The following ACSL6 variants were observed in gnomAD, a reference collection of about 807,000 sequenced individuals.
The protein encoded by ACSL6 is long-chain-fatty-acid--CoA ligase 6.
ACSL6 carries 47 observed loss-of-function variants against 98.2 expected under a neutral mutation model. The ratio of observed to expected loss-of-function variants is 0.48; its 90% CI spans 0.38 to 0.61. ACSL6 has a LOEUF of 0.61. Among genes scored for constraint, ACSL6 ranks in the 20% least tolerant of loss-of-function variants. The pLI, the probability that ACSL6 is intolerant of heterozygous loss-of-function variation, is 0.00. For synonymous variants in ACSL6, 362 were observed against 336.9 expected (o/e 1.07, Z -0.82); for missense variants, 761 against 913.4 (o/e 0.83, Z 2.15).
rs1489802215 is a variant in ACSL6 at position 131,971,667 on chromosome 5, G to A, written c.1339-22C>T. On this transcript the variant is annotated intron_variant, in intron 13 of 20. Coordinates refer to ENST00000651883, the MANE Select transcript of ACSL6 (RefSeq NM_001009185.3). ...TGGCCTGTGGGAAGAAAGAAGAGCT[G>A]CCAAATTTTGTGATGTCTGAGATGG... The A allele has an allele frequency of 4.4e-6, 7 of 1,581,180 alleles. No homozygotes were observed. In the African/African-American group the frequency reaches 6.8e-5, roughly 15 times the overall value.
intron 11 of ACSL6, 89 bp from the exon 12 acceptor site, chr5:131,973,489 G>T: frequency 5.8e-6 from 8 of 1,386,128 alleles, no homozygotes; most frequent in African/African-American, 1.4e-5. Context: ...GCCCTACATG[G>T]AGGGCACCCA....
intron 9 of ACSL6, among the ~76,000 whole-genome samples, chr5:131,980,363 C>T (rs1753827165): frequency 6.6e-6 from 1 of 152,160 alleles, no homozygotes; most frequent in Non-Finnish European, 1.5e-5. Context: ...ATAATAGTAG[C>T]CAAGTACTCA....
At chr5:131,973,496 C>G in intron 11 of ACSL6, 96 bp from the exon 12 acceptor site, 8 of 1,267,202 alleles carry the variant, frequency 6.3e-6, no homozygotes, top group Non-Finnish European at 8.7e-6. Context: ...ATGGAGGGCA[C>G]CCATGACCCC....
chr5:131,971,797 C>T lies in ACSL6; in HGVS notation c.1339-152G>A, dbSNP rs974662332. ...AGAAGGCCTGAGGTTGTACAACACA[C>T]GAGCTGAGGAAACTCCTTCCCCTTC... On this transcript the variant is annotated intron_variant, in intron 13 of 20. Coordinates refer to ENST00000651883, the MANE Select transcript of ACSL6 (RefSeq NM_001009185.3). 20 of 545,574 alleles carry T rather than the reference C, an allele frequency of 3.7e-5. 1 individual carries two copies. The highest frequency in any genetic ancestry group is 1.5e-4 in the South Asian group (4 of 27,344). The allele number at this position is 545,574 out of a possible 1,614,324, so 33.8% of individuals were successfully genotyped here.
At chr5:132,004,440 G>T (rs1175961298) in intron 1 of ACSL6, among the ~76,000 whole-genome samples, 1 of 152,178 alleles carries the variant, frequency 6.6e-6, no homozygotes, top group African/African-American at 2.4e-5. Flanking sequence ...CCACTTTGGA[G>T]TTGATTTTGA....
chr5:131,978,607 G>A (rs542144839), intron 9 of ACSL6, among the ~76,000 whole-genome samples: 5 of 152,262 alleles, frequency 3.3e-5, no homozygotes, highest in African/African-American at 9.6e-5. Flanking sequence ...ACTGACACTT[G>A]TAATTCTGAA....
intron 1 of ACSL6, among the ~76,000 whole-genome samples, chr5:132,002,288 C>G (rs1755130042): frequency 1.3e-5 from 2 of 152,222 alleles, no homozygotes; most frequent in African/African-American, 4.8e-5. Context: ...TGCTGGTGTC[C>G]CGGCCTCAGG....
chr5:131,966,323 G>T, intron 17 of ACSL6, 93 bp downstream of exon 17: 2 of 1,227,240 alleles, frequency 1.6e-6, no homozygotes, highest in Non-Finnish European at 2.4e-6. Context: ...CATTGTCAGG[G>T]GGGATTTGGA....
rs745608649 is a variant in ACSL6, at chr5:131,988,181, A to C, written c.698T>G (p.Leu233Arg). ...VIVDKPQKAV[L>R]LLEHVERKET... ...CTTCCTCTCCACATGCTCTAGCAGA[A>C]GCACAGCCTTCTGAGGTTTGTCCAC... is the stretch of plus-strand genomic sequence containing the variant. The change falls in exon 7 of 21, where the codon CTT (leucine) becomes CGT (arginine). Residue 233 changes from leucine (L) to arginine (R), a missense_variant. Physicochemically the swap from Leu to Arg is moderately radical, Grantham distance 102. Coordinates refer to ENST00000651883, the MANE Select transcript of ACSL6 (RefSeq NM_001009185.3). 3.1e-6 allele frequency: 5 copies of C among 1,614,196 alleles called. No individual in the cohort carries two copies. The highest frequency in any genetic ancestry group is 4.2e-6 in the Non-Finnish European group (5 of 1,180,032).
intron 1 of ACSL6, chr5:132,006,611 CTCA>C (rs1405290421): frequency 2.6e-5 from 4 of 152,244 alleles, no homozygotes; most frequent in African/African-American, 9.6e-5. Context: ...GGGAATTCCT[CTCA>C]TCTATGCTTG....
chr5:131,977,314 T>C (rs1753673807), intron 9 of ACSL6, among the ~76,000 whole-genome samples: 1 of 152,196 alleles, frequency 6.6e-6, no homozygotes, highest in Non-Finnish European at 1.5e-5. Flanking sequence ...GAGGCCTAGT[T>C]CTCTGGGCCC....
rs185650064 is a variant in ACSL6, at chr5:132,009,504, G to A, written c.49+2001C>T. The stretch of plus-strand genomic sequence containing the variant: ...GGCCAGGTGGAGTCTCAAGGAGGGT[G>A]GATACATAACTTAAAATGCCCCAGC... On this transcript the variant is annotated intron_variant, in intron 1 of 20. Transcript: ENST00000651883. Among the ~76,000 whole-genome samples, 24 of 152,312 alleles carry A rather than the reference G, an allele frequency of 1.6e-4. No individual in the cohort carries two copies. In the East Asian group the frequency reaches 4.3e-3, roughly 27 times the overall value.
chr5:131,999,809 A>T (rs1754984692), intron 1 of ACSL6, among the ~76,000 whole-genome samples: 1 of 151,656 alleles, frequency 6.6e-6, no homozygotes, highest in Admixed American at 6.6e-5. Flanking sequence ...CTTAACCCTC[A>T]CCCTGCCAGC....
chr5:131,988,249 G>T (rs753224922), intron 6 of ACSL6, 23 bp from the exon 7 acceptor site: 3 of 1,612,010 alleles, frequency 1.9e-6, no homozygotes, highest in Non-Finnish European at 8.5e-7. Flanking sequence ...ATCAAGGAGA[G>T]TCAGGCCATG....
chr5:131,975,060 C>A, intron 10 of ACSL6, 90 bp from the exon 11 acceptor site: 1 of 1,508,742 alleles, frequency 6.6e-7, no homozygotes, highest in East Asian at 2.5e-5. Flanking sequence ...AGAAAATGGT[C>A]CTGGAGGGTA....
intron 9 of ACSL6, 98 bp from the exon 10 acceptor site, chr5:131,976,819 T>C (rs2126842029): frequency 1.0e-6 from 1 of 963,266 alleles, no homozygotes; most frequent in African/African-American, 1.6e-5. Flanking sequence ...CCATGCTGTC[T>C]ACCCAAGCCT....
chr5:131,959,841 C>T, intron 19 of ACSL6: 1 of 543,536 alleles, frequency 1.8e-6, no homozygotes, highest in Non-Finnish European at 3.3e-6. Flanking sequence ...AGGGACCACT[C>T]AATTTTTTTT....
In ACSL6 at chr5:132,011,078, T is replaced by C. The variant is rs944489924; in HGVS notation, c.49+427A>G. 6.6e-6 allele frequency among the ~76,000 whole-genome samples: 1 copy of C among 152,102 alleles called. No individual in the cohort carries two copies. Among genetic ancestry groups the C allele is most frequent in the Non-Finnish European group, 1.5e-5 (1 of 68,004 alleles). ...GCCGGGATCAGGAAGCCTAGGTCAG[T>C]CCGGGTTACATAGCTGACCTGCTGT... On this transcript the variant is annotated intron_variant, in intron 1 of 20. Transcript: ENST00000651883. The surrounding 1 kb of genome is among the most constrained non-coding windows in gnomAD (Gnocchi z 5.4).
At position 131,974,926 on chromosome 5, in the gene ACSL6, C is replaced by T. The variant is rs756210055; in HGVS notation, c.1035G>A (p.Leu345=). 1.1e-5 allele frequency: 17 copies of T among 1,614,144 alleles called. No homozygotes were observed. The South Asian group carries it at 1.9e-4, about 18-fold the overall frequency. Residue 345 remains leucine, a synonymous_variant, in exon 11 of 21, where the codon CTG becomes CTA. Coordinates refer to ENST00000651883, the MANE Select transcript of ACSL6 (RefSeq NM_001009185.3). ...CTCTCTCAAACATGTGAGCCAGAGG[C>T]AGGAAGGAGATGAGCACATCGTCCT... The part of the protein sequence containing the change: ...PRQDDVLISF[L]PLAHMFERVI...
Sources: gnomAD v4.1 joint callset for allele counts (sites outside exome capture counted in the v4.1 genomes callset) on GRCh38, gnomAD v4.1.1 for gene constraint, Gnocchi (gnomAD v3.1) non-coding constraint, MANE v1.5 for transcripts, NCBI Gene and HGNC (gene_info 2026-07-23, HGNC 2026-07-21) for gene names.